Variants in GGH observed in about 807,000 individuals in gnomAD.
The protein encoded by GGH is gamma-glutamyl hydrolase, also known as gamma-Glu-X carboxypeptidase.
A neutral mutation model predicts 39.2 loss-of-function variants in GGH; 18 were observed. The ratio of observed to expected loss-of-function variants is 0.46; its 90% CI spans 0.32 to 0.68. GGH has a LOEUF of 0.68. Ranked by LOEUF, GGH falls within the 30% of genes least tolerant of loss-of-function variation. GGH has a pLI of 0.04. For synonymous variants in GGH, 147 were observed against 138.8 expected, an observed-to-expected ratio of 1.06 and a Z score of -0.42; for missense variants, 367 against 384.1, an observed-to-expected ratio of 0.96 and a Z score of 0.37.
chr8:63,036,147 G>A (rs1192407037), intron 1 of GGH, among the ~76,000 whole-genome samples: 1 of 152,128 alleles, frequency 6.6e-6, no homozygotes, highest in Non-Finnish European at 1.5e-5. Flanking sequence ...CGAAGCAAAG[G>A]AGTGAAAACA....
At chr8:63,022,729 T>C (rs922918164) in intron 7 of GGH, among the ~76,000 whole-genome samples, 16 of 151,684 alleles carry the variant, frequency 1.1e-4, no homozygotes, top group Non-Finnish European at 2.2e-4. Context: ...GGTTTCACCA[T>C]GTTGGCCAGG....
chr8:63,036,906 A>C (rs1444616216), intron 1 of GGH, among the ~76,000 whole-genome samples: 1 of 152,176 alleles, frequency 6.6e-6, no homozygotes, highest in Non-Finnish European at 1.5e-5. Context: ...AAACTTTAAT[A>C]AACTCTGTAA....
At chr8:63,015,528 C>T (rs72658344) in intron 8 of GGH, 75 bp from the exon 9 acceptor site, 83,685 of 903,160 alleles carry the variant, frequency 0.093, 4,532 homozygotes, top group South Asian at 0.17. Flanking sequence ...AATATTTCTT[C>T]CTGCAATCAG....
At chr8:63,026,384 A>C (rs1173003587) in intron 4 of GGH, 88 bp from the exon 5 acceptor site, 1 of 922,346 alleles carries the variant, frequency 1.1e-6, no homozygotes, top group Non-Finnish European at 1.7e-6. Context: ...CCAAATAGGC[A>C]CCTGAGTTAC....
At chr8:63,035,036 C>T (rs1177013950) in intron 2 of GGH, among the ~76,000 whole-genome samples, 1 of 152,110 alleles carries the variant, frequency 6.6e-6, no homozygotes, top group East Asian at 1.9e-4. Flanking sequence ...CCCGCCCCCC[C>T]AACCACTTTA....
At chr8:63,015,681 G>A (rs1804475202) in intron 8 of GGH, among the ~76,000 whole-genome samples, 1 of 151,644 alleles carries the variant, frequency 6.6e-6, no homozygotes, top group African/African-American at 2.4e-5. Context: ...CCAAGGAAGG[G>A]AGGGAGGCAA....
chr8:63,023,864 TATAAA>T (rs1429462945), intron 7 of GGH, 38 bp downstream of exon 7: 2 of 1,284,524 alleles, frequency 1.6e-6, no homozygotes, highest in African/African-American at 3.1e-5. Context: ...AATTTAAAAA[TATAAA>T]ATAAGTGAAA....
chr8:63,017,339 C>T, intron 8 of GGH, 154 bp downstream of exon 8: 1 of 527,950 alleles, frequency 1.9e-6, no homozygotes, highest in Non-Finnish European at 3.3e-6. Context: ...GATTTTAGGG[C>T]TTTCACATTA....
chr8:63,038,172 T>C (rs1804946906), intron 1 of GGH, among the ~76,000 whole-genome samples: 1 of 152,254 alleles, frequency 6.6e-6, no homozygotes, highest in South Asian at 2.1e-4. Context: ...TATCAGCCAC[T>C]GTTGTCCTCT....
At chr8:63,037,303 G>A (rs556476752) in intron 1 of GGH, among the ~76,000 whole-genome samples, 18 of 152,268 alleles carry the variant, frequency 1.2e-4, no homozygotes, top group African/African-American at 3.8e-4. Context: ...AAATGGAGTG[G>A]TACAGGGTAC....
chr8:63,038,617 C>A (rs1185591484), intron 1 of GGH, 43 bp downstream of exon 1: 3 of 1,118,462 alleles, frequency 2.7e-6, no homozygotes. Context: ...GCGCCAACAC[C>A]CAGCTCCTCC....
chr8:63,037,773 G>GTAATTAATTACAGCTT (rs1280155807), intron 1 of GGH, among the ~76,000 whole-genome samples: 6 of 152,010 alleles, frequency 3.9e-5, no homozygotes, highest in South Asian at 2.1e-4. Flanking sequence ...GTTAATTCGT[G>GTAATTAATTACAGCTT]GAGAATCAAA....
Position 63,035,674 on chromosome 8 carries a change from G to C in GGH, c.206C>G (p.Ala69Gly). 6.2e-7 allele frequency: 1 copy of C among 1,606,508 alleles called. No homozygotes were observed. Among genetic ancestry groups the C allele is most frequent in the African/African-American group, 1.4e-5 (1 of 73,900 alleles). Residue 69 changes from alanine (A) to glycine (G), a missense_variant, in exon 2 of 9, where the codon GCG becomes GGG. Physicochemically the swap from Ala to Gly is moderately conservative, Grantham distance 60. Transcript: ENST00000260118. ...ATCATACCTTACTGGTACAACTCTC[G>C]CACCTGCAGACTCCAAGTACTTTAC... ...SYVKYLESAGARVVPVRLDLT... is the reference protein window; with the variant it reads ...SYVKYLESAGGRVVPVRLDLT...
At chr8:63,035,580 C>A (rs1804891516) in intron 2 of GGH, 76 bp downstream of exon 2, 8 of 1,530,240 alleles carry the variant, frequency 5.2e-6, no homozygotes, top group Non-Finnish European at 7.0e-6. Flanking sequence ...GCTAGAATTA[C>A]AGGCATGAGG....
chr8:63,024,358 T>C, intron 5 of GGH, 172 bp from the exon 6 acceptor site: 1 of 516,228 alleles, frequency 1.9e-6, no homozygotes, highest in Non-Finnish European at 3.4e-6. Flanking sequence ...ACAAAATGTG[T>C]TTAACATAAA....
chr8:63,035,728 T>C lies in GGH; in HGVS notation c.152A>G (p.Tyr51Cys), dbSNP rs1199268694. 1.8e-5 allele frequency: 29 copies of C among 1,613,796 alleles called. No individual in the cohort carries two copies. Among genetic ancestry groups the C allele is most frequent in the Non-Finnish European group, 2.2e-5 (26 of 1,179,950 alleles). ...GGACGCAGCAATATAGTATCTTCCATAGTTTTTCATGACTTTATTACGGCA... is the reference window on the plus strand; with the variant it reads ...GGACGCAGCAATATAGTATCTTCCACAGTTTTTCATGACTTTATTACGGCA... Reference protein sequence around the residue: ...QKCRNKVMKNYGRYYIAASYV... With the variant: ...QKCRNKVMKNCGRYYIAASYV... The change falls in exon 2 of 9, where the codon TAT becomes TGT. Residue 51 changes from tyrosine (Y) to cysteine (C), a missense_variant. Transcript: ENST00000260118.
rs1423135245 is a variant in GGH at position 63,024,122 on chromosome 8, T to C, written c.564A>G (p.Glu188=). 3 of 1,611,370 alleles carry C rather than the reference T, an allele frequency of 1.9e-6. No homozygotes were observed. Among genetic ancestry groups the C allele is most frequent in the Non-Finnish European group, 2.5e-6 (3 of 1,177,870 alleles). ...PTELLLSLAV[E]PLTANFHKWS... ...ACTTATGGAAATTGGCAGTCAGAGG[T>C]TCTACTGCTAATGACAGCAACAACT... is the stretch of plus-strand genomic sequence containing the variant. The change falls in exon 6 of 9, where the codon GAA becomes GAG. Residue 188 remains glutamate, a synonymous_variant. Coordinates refer to ENST00000260118, the MANE Select transcript of GGH (RefSeq NM_003878.3).
At chr8:63,037,319 G>T (rs180825456) in intron 1 of GGH, among the ~76,000 whole-genome samples, 1 of 152,270 alleles carries the variant, frequency 6.6e-6, no homozygotes, top group East Asian at 1.9e-4. Context: ...GGTACATGGG[G>T]TGAGGTACCA....
intron 7 of GGH, among the ~76,000 whole-genome samples, chr8:63,022,345 G>C (rs1376325290): frequency 6.6e-6 from 1 of 151,582 alleles, no homozygotes; most frequent in Non-Finnish European, 1.5e-5. Flanking sequence ...ATTCCTTCTA[G>C]AGTTCTGGTT....
Sources: allele counts gnomAD v4.1 joint callset (sites outside exome capture counted in the v4.1 genomes callset), GRCh38; gene constraint gnomAD v4.1.1; transcripts MANE v1.5; gene names NCBI Gene and HGNC (gene_info 2026-07-23, HGNC 2026-07-21).